Variants in GNAZ observed in about 807,000 individuals in gnomAD.
The protein encoded by GNAZ is G protein subunit alpha z, also known as guanine nucleotide-binding protein G(z) subunit alpha.
In GNAZ, 3 loss-of-function variants were observed where a neutral mutation model predicts 25.4. The ratio of observed to expected loss-of-function variants is 0.12; its 90% CI spans 0.05 to 0.30. GNAZ has a LOEUF of 0.30. Ranked by LOEUF, GNAZ falls within the 10% of genes least tolerant of loss-of-function variation. The pLI is 1.00. For synonymous variants in GNAZ, 211 were observed against 205.7 expected (o/e 1.03, Z -0.22); for missense variants, 241 against 501.8 (o/e 0.48, Z 4.97).
At chr22:23,105,513 G>A (rs887348045) in intron 2 of GNAZ, among the ~76,000 whole-genome samples, 3 of 152,232 alleles carry the variant, frequency 2.0e-5, no homozygotes, top group African/African-American at 7.2e-5. Flanking sequence ...CGAGGCTGCA[G>A]TGCCAGCGGC....
At chr22:23,076,379 C>T (rs2068507931) in intron 1 of GNAZ, among the ~76,000 whole-genome samples, 1 of 152,190 alleles carries the variant, frequency 6.6e-6, no homozygotes, top group African/African-American at 2.4e-5. Flanking sequence ...AGTCATGCCT[C>T]AGTGGCCCTG....
Position 23,095,854 on chromosome 22 carries a change from G to A in GNAZ, c.159G>A (p.Met53Ile), listed in dbSNP as rs2069107578. 1 of 1,613,742 alleles carries A rather than the reference G, an allele frequency of 6.2e-7. No individual in the cohort carries two copies. Among genetic ancestry groups the A allele is most frequent in the African/African-American group, 1.3e-5 (1 of 74,950 alleles). Residue 53 changes from methionine (M) to isoleucine (I), a missense_variant, in exon 2 of 3, where the codon ATG becomes ATA. By Grantham distance (10) the Met-to-Ile change is conservative (BLOSUM62 1). Transcript: ENST00000615612. ...GCAAGAGCACCATCGTCAAACAGAT[G>A]AAGATCATCCACAGCGGCGGCTTCA... ...NSGKSTIVKQMKIIHSGGFNL... is the reference protein window; with the variant it reads ...NSGKSTIVKQIKIIHSGGFNL...
intron 1 of GNAZ, among the ~76,000 whole-genome samples, chr22:23,089,365 G>T (rs1346895822): frequency 6.6e-6 from 1 of 152,182 alleles, no homozygotes; most frequent in Non-Finnish European, 1.5e-5. Context: ...TACGGGCAGG[G>T]CAGGCTGGCT....
At chr22:23,100,004 A>C (rs954835777) in intron 2 of GNAZ, among the ~76,000 whole-genome samples, 2 of 152,284 alleles carry the variant, frequency 1.3e-5, no homozygotes, top group Admixed American at 6.5e-5. Flanking sequence ...GTAAAGCATC[A>C]AATGTTCTCA....
At chr22:23,114,911 A>G (rs2267003) in intron 2 of GNAZ, among the ~76,000 whole-genome samples, 87,091 of 152,058 alleles carry the variant, frequency 0.57, 25,316 homozygotes, top group African/African-American at 0.65. Context: ...AGGTGAGGAA[A>G]GGGAGAGGGC....
intron 2 of GNAZ, among the ~76,000 whole-genome samples, chr22:23,121,814 C>T (rs1011313963): frequency 4.6e-5 from 7 of 151,708 alleles, no homozygotes; most frequent in Middle Eastern, 3.4e-3. Flanking sequence ...CTCCACCTCC[C>T]GGGTTCAAGT....
In GNAZ at chr22:23,071,143, G is replaced by A. The variant is rs2068360583; in HGVS notation, c.-450+573G>A. ...TTCCTCACAGGCATTTAGAGGAAGAGATGAGTATCGACCTGCTGCGATTGT... is the reference window on the plus strand; with the variant it reads ...TTCCTCACAGGCATTTAGAGGAAGAAATGAGTATCGACCTGCTGCGATTGT... On this transcript the variant is annotated intron_variant, in intron 1 of 2. Transcript: ENST00000615612. The surrounding 1 kb of genome is among the most constrained non-coding windows in gnomAD (Gnocchi z 4.1). 6.6e-6 allele frequency among the ~76,000 whole-genome samples: 1 copy of A among 152,218 alleles called. No homozygotes were observed. The highest frequency in any genetic ancestry group is 1.9e-4 in the East Asian group (1 of 5,190).
intron 1 of GNAZ, among the ~76,000 whole-genome samples, chr22:23,093,077 C>T (rs774104792): frequency 5.9e-5 from 9 of 152,234 alleles, no homozygotes; most frequent in Non-Finnish European, 1.2e-4. Context: ...TCTCCATCCT[C>T]CATGCGCTCA....
At chr22:23,123,048 C>T (rs1208207491) in intron 2 of GNAZ, 39 bp from the exon 3 acceptor site, 1 of 1,372,350 alleles carries the variant, frequency 7.3e-7, no homozygotes, top group South Asian at 1.2e-5. Context: ...TCTCTGCCTG[C>T]TGCGGGCCTG....
At position 23,095,268 on chromosome 22, in the gene GNAZ, G is replaced by A. The variant is rs978675309; in HGVS notation, c.-428G>A. 1.0e-5 allele frequency: 2 copies of A among 194,264 alleles called. No individual in the cohort carries two copies. The highest frequency in any genetic ancestry group is 4.7e-5 in the African/African-American group (2 of 42,318). The allele number at this position is 194,264 out of a possible 1,614,324, so 12.0% of individuals were successfully genotyped here. A position where few individuals can be genotyped will look rare whatever the true frequency, so the allele number is the denominator to read the frequency against. On this transcript the variant is annotated 5_prime_UTR_variant, in exon 2 of 3. Coordinates refer to ENST00000615612, the MANE Select transcript of GNAZ (RefSeq NM_002073.4). ...GCAGGTGAAGGGCTGGATGCACAGT[G>A]GGAGCCGGAGGCGGGGGGCTGCAGG...
At chr22:23,100,759 G>C (rs934444756) in intron 2 of GNAZ, among the ~76,000 whole-genome samples, 1 of 152,166 alleles carries the variant, frequency 6.6e-6, no homozygotes, top group East Asian at 1.9e-4. Context: ...GGAAGAGCTG[G>C]AGCTCCAGAG....
chr22:23,117,779 C>CG (rs2069894620), intron 2 of GNAZ, among the ~76,000 whole-genome samples: 1 of 152,214 alleles, frequency 6.6e-6, no homozygotes, highest in Non-Finnish European at 1.5e-5. Flanking sequence ...CAGCATGCAC[C>CG]GGCAGTGAGT....
At chr22:23,103,058 T>TGCAGAGGAGAGTGCTGAGACC (rs1473267839) in intron 2 of GNAZ, among the ~76,000 whole-genome samples, 4 of 152,196 alleles carry the variant, frequency 2.6e-5, no homozygotes, top group Non-Finnish European at 5.9e-5. Flanking sequence ...GGCTGCTTCC[T>TGCAGAGGAGAGTGCTGAGACC]GCAGAGGAGA....
intron 2 of GNAZ, among the ~76,000 whole-genome samples, chr22:23,110,724 T>C (rs1355555395): frequency 1.3e-5 from 2 of 152,170 alleles, no homozygotes; most frequent in Admixed American, 1.3e-4. Flanking sequence ...CTGGTTGTCA[T>C]AGAAACAGCA....
intron 1 of GNAZ, among the ~76,000 whole-genome samples, chr22:23,081,419 G>T (rs1054749167): frequency 6.6e-6 from 1 of 152,182 alleles, no homozygotes; most frequent in Non-Finnish European, 1.5e-5. Context: ...AGGTCTTCCT[G>T]CTTTAATTCA....
In GNAZ at chr22:23,090,774, C is replaced by T. The variant is rs150020031; in HGVS notation, c.-449-4473C>T. Among the ~76,000 whole-genome samples, 468 of 152,342 alleles carry T rather than the reference C, an allele frequency of 3.1e-3. 2 individuals carry two copies. The highest frequency in any genetic ancestry group is 5.8e-3 in the Non-Finnish European group (395 of 68,028). ...CACCCCCAACCCTGCCCACCTGGAG[C>T]TCCATTTCCACTGTAGCACTGGGCA... On this transcript the variant is annotated intron_variant, in intron 1 of 2. Transcript: ENST00000615612.
At chr22:23,094,351 G>T (rs899196095) in intron 1 of GNAZ, among the ~76,000 whole-genome samples, 7 of 152,020 alleles carry the variant, frequency 4.6e-5, no homozygotes, top group Admixed American at 4.6e-4. Flanking sequence ...AGTCACAGGG[G>T]CATCCTAGGG....
rs368727682 is a variant in GNAZ at position 23,096,430 on chromosome 22, C to T, written c.723+12C>T. 17 of 1,587,920 alleles carry T rather than the reference C, an allele frequency of 1.1e-5. No individual in the cohort carries two copies. The highest frequency in any genetic ancestry group is 1.3e-5 in the African/African-American group (1 of 74,696). On this transcript the variant is annotated intron_variant, in intron 2 of 2. Coordinates refer to ENST00000615612, the MANE Select transcript of GNAZ (RefSeq NM_002073.4). ...AGGATAACCAGACAGTAAGTGGGGCCGGGGGTTTTCCTCTGCTTGTTCCTG... is the reference window on the plus strand; with the variant it reads ...AGGATAACCAGACAGTAAGTGGGGCTGGGGGTTTTCCTCTGCTTGTTCCTG...
intron 1 of GNAZ, among the ~76,000 whole-genome samples, chr22:23,093,756 TG>T (rs1380555583): frequency 2.6e-5 from 4 of 151,548 alleles, no homozygotes; most frequent in African/African-American, 9.7e-5. Context: ...CTGAGAGTGG[TG>T]GGGGTAATAT....
Sources: gnomAD v4.1 joint callset for allele counts (sites outside exome capture counted in the v4.1 genomes callset) on GRCh38, gnomAD v4.1.1 for gene constraint, Gnocchi (gnomAD v3.1) non-coding constraint, MANE v1.5 for transcripts, NCBI Gene and HGNC (gene_info 2026-07-23, HGNC 2026-07-21) for gene names.